DCTN1: variants seen among roughly 807,000 people sequenced by gnomAD.
DCTN1 encodes dynactin subunit 1, also known as 150 kDa dynein-associated polypeptide.
Under a neutral mutation model 161.2 loss-of-function variants are expected in DCTN1, and 61 were observed. That is an observed-to-expected ratio of 0.38 (90% CI 0.31 to 0.47). The LOEUF (loss-of-function observed/expected upper bound fraction) is 0.47. Among genes scored for constraint, DCTN1 ranks in the 20% least tolerant of loss-of-function variants. The probability of loss-of-function intolerance (pLI) is 0.99; values close to 1 mark genes in which losing one functional copy is unlikely to be tolerated. For synonymous variants in DCTN1, 653 were observed against 632.4 expected, an observed-to-expected ratio of 1.03 and a Z score of -0.49; for missense variants, 1,404 against 1,623.7, an observed-to-expected ratio of 0.86 and a Z score of 2.33.
chr2:74,370,504 A>G lies in DCTN1; in HGVS notation c.1089T>C (p.Leu363=), dbSNP rs1674756402. 1 of 1,614,144 alleles carries G rather than the reference A, an allele frequency of 6.2e-7. No homozygotes were observed. The highest frequency in any genetic ancestry group is 2.2e-5 in the East Asian group (1 of 44,884). ...GAASSYQLKQ[L]EEQNARLKDA... ...CCTTCAGGCGGGCATTCTGCTCCTC[A>G]AGCTGCTTGAGCTGATAACTGGATG... Residue 363 remains leucine, a synonymous_variant, in exon 11 of 32, where the codon CTT becomes CTC. Coordinates refer to ENST00000628224, the MANE Select transcript of DCTN1 (RefSeq NM_004082.5). The surrounding 1 kb of genome is among the most constrained non-coding windows in gnomAD (Gnocchi z 4.4).
chr2:74,367,893 C>G (rs1362458092), intron 17 of DCTN1, 29 bp from the exon 18 acceptor site: 2 of 1,614,094 alleles, frequency 1.2e-6, no homozygotes, highest in Non-Finnish European at 1.7e-6. Context: ...CACTGTGAGG[C>G]TAGAGTCTGC....
Position 74,370,165 on chromosome 2 carries a change from G to A in DCTN1, c.1287+21C>T. On this transcript the variant is annotated intron_variant, in intron 12 of 31. Coordinates refer to ENST00000628224, the MANE Select transcript of DCTN1 (RefSeq NM_004082.5). The surrounding 1 kb of genome is among the most constrained non-coding windows in gnomAD (Gnocchi z 4.4). ...GAGAGTCAGGTGGGGGATTCTGGGT[G>A]AGGGGCTGGGCTCCCCAGACCTGCT... The A allele has an allele frequency of 1.2e-6, 2 of 1,613,684 alleles. No homozygotes were observed. Among genetic ancestry groups the A allele is most frequent in the Non-Finnish European group, 1.7e-6 (2 of 1,180,032 alleles).
At chr2:74,362,966 T>G in intron 29 of DCTN1, 28 bp downstream of exon 29, 1 of 1,606,790 alleles carries the variant, frequency 6.2e-7, no homozygotes, top group South Asian at 1.1e-5. Context: ...GGCAGTTTTA[T>G]TCATCTTGGG....
In DCTN1 at chr2:74,368,766, C is replaced by T. The variant is rs375778151; in HGVS notation, c.1816G>A (p.Val606Ile). Reference sequence around the variant, plus strand: ...CGAGGCATGAGCAACAGCACCAGAACGCAGTCATGGTCCCCACCTGGCCGA... The same window carrying T: ...CGAGGCATGAGCAACAGCACCAGAATGCAGTCATGGTCCCCACCTGGCCGA... ...FLRPGGDHDC[V>I]LVLLLMPRLI... Residue 606 changes from valine to isoleucine, a missense_variant, in exon 16 of 32, where the codon GTT (valine) becomes ATT (isoleucine). By Grantham distance (29) the Val-to-Ile change is conservative. Coordinates refer to ENST00000628224, the MANE Select transcript of DCTN1 (RefSeq NM_004082.5). The T allele has an allele frequency of 1.4e-5, 22 of 1,614,126 alleles. No individual in the cohort carries two copies. The highest frequency in any genetic ancestry group is 6.7e-5 in the East Asian group (3 of 44,896).
chr2:74,385,059 C>T (rs954881843), upstream of DCTN1: 1 of 152,268 alleles, frequency 6.6e-6, no homozygotes, highest in Admixed American at 6.5e-5. Flanking sequence ...TCAGTATCTG[C>T]CTTGCGGATT....
At position 74,367,478 on chromosome 2, in the gene DCTN1, C is replaced by T. The variant is rs138530862; in HGVS notation, c.2185-58G>A. 1.4e-5 allele frequency: 23 copies of T among 1,596,022 alleles called. No individual in the cohort carries two copies. The African/African-American group carries it at 2.4e-4, about 17-fold the overall frequency. On this transcript the variant is annotated intron_variant, in intron 18 of 31. Transcript: ENST00000628224. ...GCCCTGGAGCGGGTGGGGAGTTCTT[C>T]CCAAACTGTAGTTTGAGCCCTGGTC...
At chr2:74,371,389 C>T (rs1253599358) in intron 8 of DCTN1, 148 bp downstream of exon 8, 2 of 1,254,644 alleles carry the variant, frequency 1.6e-6, no homozygotes, top group African/African-American at 1.5e-5. Flanking sequence ...ATGGCTCAGT[C>T]AGTAGCAAGA....
Position 74,369,303 on chromosome 2 carries a change from T to C in DCTN1, c.1581A>G (p.Leu527=). 1.9e-6 allele frequency: 3 copies of C among 1,614,136 alleles called. No individual in the cohort carries two copies. The highest frequency in any genetic ancestry group is 2.5e-6 in the Non-Finnish European group (3 of 1,180,018). The change falls in exon 14 of 32, where the codon CTA becomes CTG. Residue 527 remains leucine, a synonymous_variant. Coordinates refer to ENST00000628224, the MANE Select transcript of DCTN1 (RefSeq NM_004082.5). The surrounding 1 kb of genome is among the most constrained non-coding windows in gnomAD (Gnocchi z 4.9). ...IKKYRQLTAH[L]QDVNRELTNQ... ...AGAGCAAACAGTGGGCATGTACCTG[T>C]AGATGGGCGGTCAGCTGGCGGTACT... is the stretch of plus-strand genomic sequence containing the variant.
chr2:74,379,713 T>G (rs1675422010), intron 1 of DCTN1, among the ~76,000 whole-genome samples: 1 of 152,038 alleles, frequency 6.6e-6, no homozygotes, highest in South Asian at 2.1e-4. Context: ...TGAGCCATCA[T>G]CCCCATTCTG....
At chr2:74,378,381 T>C (rs1284859032) in intron 1 of DCTN1, 136 bp from the exon 2 acceptor site, 7 of 1,109,064 alleles carry the variant, frequency 6.3e-6, no homozygotes, top group Admixed American at 4.6e-5. Context: ...ATTTACAGAA[T>C]TGGGTGGACC....
chr2:74,374,345 CTCA>C lies in DCTN1; in HGVS notation c.415-8_415-6del, dbSNP rs778803006. 6.2e-7 allele frequency: 1 copy of C among 1,613,188 alleles called. No homozygotes were observed. Among genetic ancestry groups the C allele is most frequent in the Non-Finnish European group, 8.5e-7 (1 of 1,179,550 alleles). ...TACCTTTCGGGCTGTCGGTGCCTGT[CTCA>C]TCATTGCAGAAAACCAAAGAAAGCA... On this transcript the variant is annotated splice_polypyrimidine_tract_variant and splice_region_variant and intron_variant, in intron 5 of 31. Transcript: ENST00000628224.
Position 74,362,498 on chromosome 2 carries a change from A to G in DCTN1, c.3609+152T>C, listed in dbSNP as rs892902278. 23 of 779,856 alleles carry G rather than the reference A, an allele frequency of 2.9e-5. No individual in the cohort carries two copies. In the African/African-American group the frequency reaches 3.9e-4, roughly 13 times the overall value. 48.3% of individuals were successfully genotyped at this position (779,856 alleles called of 1,614,324 possible). On this transcript the variant is annotated intron_variant, in intron 30 of 31. Coordinates refer to ENST00000628224, the MANE Select transcript of DCTN1 (RefSeq NM_004082.5). ...GAATCTGTCTTCTGTTTGCACTGAGACAGTGAGCTTCCAAGGCAAGAACCC... is the reference window on the plus strand; with the variant it reads ...GAATCTGTCTTCTGTTTGCACTGAGGCAGTGAGCTTCCAAGGCAAGAACCC...
Position 74,369,492 on chromosome 2 carries a change from C to G in DCTN1, c.1393-1G>C, listed in dbSNP as rs771847172. 6.2e-7 allele frequency: 1 copy of G among 1,612,234 alleles called. No individual in the cohort carries two copies. Among genetic ancestry groups the G allele is most frequent in the South Asian group, 1.1e-5 (1 of 91,082 alleles). On this transcript the variant is annotated splice_acceptor_variant, in intron 13 of 31. Coordinates refer to ENST00000628224, the MANE Select transcript of DCTN1 (RefSeq NM_004082.5). LOFTEE classifies it high-confidence loss of function. The surrounding 1 kb of genome is among the most constrained non-coding windows in gnomAD (Gnocchi z 4.9). The stretch of plus-strand genomic sequence containing the variant: ...CATCGTTCATCTCATTCATCGCTTC[C>G]TAGGACACCACACCATAGTTTGGGC...
chr2:74,374,309 G>A lies in DCTN1; in HGVS notation c.432+14C>T, dbSNP rs746127471. The A allele has an allele frequency of 4.3e-6, 7 of 1,612,818 alleles. No individual in the cohort carries two copies. The highest frequency in any genetic ancestry group is 5.9e-6 in the Non-Finnish European group (7 of 1,179,306). ...CTGGCAACCCAGCAGCAGGACGAGA[G>A]CAAGCAAGAGTACCTTTCGGGCTGT... On this transcript the variant is annotated intron_variant, in intron 6 of 31. Transcript: ENST00000628224.
chr2:74,369,952 G>T lies in DCTN1; in HGVS notation c.1392+13C>A. 1 of 1,612,380 alleles carries T rather than the reference G, an allele frequency of 6.2e-7. No homozygotes were observed. On this transcript the variant is annotated intron_variant, in intron 13 of 31. Transcript: ENST00000628224. This position sits in a 1 kb window ranked among gnomAD's most constrained non-coding sequence, Gnocchi z 4.9. ...GGTCCAAGTCAGATGTCAGGGGTCT[G>T]CTCTTCTCTTACCAAGTCTCCCACA...
chr2:74,377,670 A>G lies in DCTN1; in HGVS notation c.336T>C (p.Ser112=), dbSNP rs371005095. The G allele has an allele frequency of 1.2e-6, 2 of 1,614,178 alleles. No individual in the cohort carries two copies. Among genetic ancestry groups the G allele is most frequent in the East Asian group, 2.2e-5 (1 of 44,884 alleles). ...DTTSPETPDS[S]ASKVLKREGT... ...TACCTCTTTTGAGGACTTTTGAAGC[A>G]GAAGAATCAGGTGTCTCTGGGGAAG... is the stretch of plus-strand genomic sequence containing the variant. The change falls in exon 3 of 32, where the codon TCT becomes TCC. Residue 112 remains serine, a synonymous_variant. Transcript: ENST00000628224.
intron 2 of DCTN1, 90 bp from the exon 3 acceptor site, chr2:74,377,816 G>T (rs1488635064): frequency 3.4e-6 from 5 of 1,481,976 alleles, no homozygotes; most frequent in Non-Finnish European, 4.7e-6. Flanking sequence ...CAGGCTCCAA[G>T]CAAACCAAGA....
chr2:74,391,470 G>T (rs1250576527), intron 1 of DCTN1: 4 of 265,258 alleles, frequency 1.5e-5, no homozygotes, highest in Admixed American at 5.2e-5. Context: ...TCAACCATGT[G>T]CCCACAGGAA....
At chr2:74,374,523 C>A (rs1328859404) in intron 5 of DCTN1, 183 bp from the exon 6 acceptor site, 1 of 1,428,050 alleles carries the variant, frequency 7.0e-7, no homozygotes, top group Admixed American at 2.1e-5. Flanking sequence ...TCTCAGCCTC[C>A]CGGTGCGGCA....
Sources: gnomAD v4.1 joint callset for allele counts (sites outside exome capture counted in the v4.1 genomes callset) on GRCh38, gnomAD v4.1.1 for gene constraint, Gnocchi (gnomAD v3.1) non-coding constraint, MANE v1.5 for transcripts, NCBI Gene and HGNC (gene_info 2026-07-23, HGNC 2026-07-21) for gene names.